Variants in SNRPN observed in about 807,000 individuals in gnomAD.
SNRPN encodes the protein small nuclear ribonucleoprotein polypeptide N, also known as small nuclear ribonucleoprotein-associated protein N.
Under a neutral mutation model 25.2 loss-of-function variants are expected in SNRPN, and 7 were observed. That is an observed-to-expected ratio of 0.28 (90% confidence interval 0.16 to 0.52). SNRPN has a LOEUF of 0.52. SNRPN is among the 20% of genes least tolerant of loss of function. The pLI is 0.96. For missense variants in SNRPN, 196 were observed against 322.5 expected (o/e 0.61, Z 3.00); for synonymous variants, 124 against 110.6 (o/e 1.12, Z -0.76).
intron 2 of SNRPN, among the ~76,000 whole-genome samples, chr15:24,895,400 AACAC>A (rs10558727): frequency 0.15 from 22,348 of 147,164 alleles, 1,728 homozygotes; most frequent in Non-Finnish European, 0.17. Context: ...AATACACCCA[AACAC>A]ACACACACAC....
intron 1 of SNRPN, among the ~76,000 whole-genome samples, chr15:24,862,993 G>T (rs1417763659): frequency 6.6e-6 from 1 of 151,050 alleles, no homozygotes; most frequent in Non-Finnish European, 1.5e-5. Context: ...TGATGCAGAG[G>T]CTGCTCCCTG....
chr15:24,836,499 C>T (rs960400926), intron 2 of SNRPN, among the ~76,000 whole-genome samples: 18 of 151,062 alleles, frequency 1.2e-4, no homozygotes, highest in African/African-American at 3.2e-4. Context: ...ACAAACTCTG[C>T]GTCCCGTTTT....
chr15:24,825,424 G>A (rs1041265864), intron 1 of SNRPN, among the ~76,000 whole-genome samples: 1 of 152,010 alleles, frequency 6.6e-6, no homozygotes, highest in Non-Finnish European at 1.5e-5. Context: ...GAGGAGATAA[G>A]ATTTACTGGT....
intron 1 of SNRPN, among the ~76,000 whole-genome samples, chr15:24,886,362 G>C (rs2057208839): frequency 6.6e-6 from 1 of 152,158 alleles, no homozygotes; most frequent in Non-Finnish European, 1.5e-5. Flanking sequence ...ACTTGCCCAT[G>C]CTGTACTTAG....
intron 1 of SNRPN, among the ~76,000 whole-genome samples, chr15:24,955,707 G>C (rs1380167675): frequency 1.3e-5 from 2 of 150,768 alleles, no homozygotes; most frequent in South Asian, 2.1e-4. Context: ...TGGTCGCGGC[G>C]CGGGGAGAGT....
chr15:24,843,081 GT>G (rs369408097), intron 2 of SNRPN, among the ~76,000 whole-genome samples: 1,909 of 151,264 alleles, frequency 0.013, 51 homozygotes, highest in African/African-American at 0.044. Flanking sequence ...AATTGTTTAT[GT>G]TTTTTTTTAA....
intron 1 of SNRPN, among the ~76,000 whole-genome samples, chr15:24,880,052 C>T (rs1244951438): frequency 6.6e-6 from 1 of 152,070 alleles, no homozygotes. Context: ...TCTCCTCTGG[C>T]CAATATTTTT....
At chr15:24,973,772 T>C (rs1336453470) in intron 3 of SNRPN, among the ~76,000 whole-genome samples, 2 of 152,200 alleles carry the variant, frequency 1.3e-5, no homozygotes, top group Non-Finnish European at 2.9e-5. Context: ...TATATATATA[T>C]ATTCCATAGT....
intron 2 of SNRPN, among the ~76,000 whole-genome samples, chr15:24,905,509 A>C (rs1428079101): frequency 1.6e-4 from 2 of 12,280 alleles, no homozygotes; most frequent in African/African-American, 9.6e-4. Flanking sequence ...ACTCCATCTC[A>C]AAAAAAAAAA....
intron 2 of SNRPN, chr15:24,912,398 T>G (rs2059270476): frequency 6.6e-6 from 1 of 152,204 alleles, no homozygotes; most frequent in Non-Finnish European, 1.5e-5. Context: ...CGGGATTAAT[T>G]GTACCTTGAG....
intron 1 of SNRPN, among the ~76,000 whole-genome samples, chr15:24,961,830 T>A (rs1393803464): frequency 6.6e-6 from 1 of 152,198 alleles, no homozygotes; most frequent in Non-Finnish European, 1.5e-5. Context: ...GAATTTTATA[T>A]GTACGTGACT....
chr15:24,871,248 A>G (rs1439475336), intron 1 of SNRPN, among the ~76,000 whole-genome samples: 1 of 152,022 alleles, frequency 6.6e-6, no homozygotes, highest in African/African-American at 2.4e-5. Context: ...TTATAAAGTT[A>G]TGCAGGGTTT....
intron 2 of SNRPN, among the ~76,000 whole-genome samples, chr15:24,834,751 C>CTCTCTCTCTCTG: frequency 1.6e-5 from 1 of 60,956 alleles, no homozygotes; most frequent in African/African-American, 5.9e-5. Flanking sequence ...CTCTCTCTCT[C>CTCTCTCTCTCTG]TATATATATA....
chr15:24,928,881 T>C (rs1291136333), intron 3 of SNRPN, among the ~76,000 whole-genome samples: 2 of 152,134 alleles, frequency 1.3e-5, no homozygotes, highest in African/African-American at 4.8e-5. Context: ...GTGCTAGGAT[T>C]ACAGGTGTGA....
At chr15:24,916,670 G>C (rs2059544055) in intron 2 of SNRPN, among the ~76,000 whole-genome samples, 1 of 152,202 alleles carries the variant, frequency 6.6e-6, no homozygotes, top group Non-Finnish European at 1.5e-5. Context: ...AATGGTAACA[G>C]TATTAAATTA....
intron 2 of SNRPN, among the ~76,000 whole-genome samples, chr15:24,834,751 CTATATATATA>C (rs796257838): frequency 5.9e-4 from 36 of 60,954 alleles, no homozygotes; most frequent in African/African-American, 2.0e-3. Flanking sequence ...CTCTCTCTCT[CTATATATATA>C]TATATATATA....
chr15:24,897,610 A>G (rs2058156771), intron 2 of SNRPN, among the ~76,000 whole-genome samples: 1 of 152,150 alleles, frequency 6.6e-6, no homozygotes, highest in Non-Finnish European at 1.5e-5. Context: ...CTCCACCCAA[A>G]TCTCACCTTG....
intron 2 of SNRPN, among the ~76,000 whole-genome samples, chr15:24,899,152 C>T (rs929167430): frequency 3.9e-5 from 6 of 152,162 alleles, no homozygotes; most frequent in Non-Finnish European, 8.8e-5. Flanking sequence ...ACATCCAGGC[C>T]CTGCCTCAAA....
rs1334385444 is a variant in SNRPN at position 24,858,935 on chromosome 15, C to A, written c.-579+2219C>A. Among the ~76,000 whole-genome samples, 4 of 152,058 alleles carry A rather than the reference C, an allele frequency of 2.6e-5. No homozygotes were observed. In the East Asian group the frequency reaches 7.8e-4, roughly 29 times the overall value. On this transcript the variant is annotated intron_variant, in intron 1 of 11. Transcript: ENST00000400097. ...TGCCCGGACATGCCACAGTAGCAGG[C>A]TTATCAGTACCAGCTCACATTCCTT...
Sources: allele counts gnomAD v4.1 joint callset (sites outside exome capture counted in the v4.1 genomes callset), GRCh38; gene constraint gnomAD v4.1.1; transcripts MANE v1.5; gene names NCBI Gene and HGNC (gene_info 2026-07-23, HGNC 2026-07-21).